WDTC1: variants seen among roughly 807,000 people sequenced by gnomAD.
The protein encoded by WDTC1 is WD and tetratricopeptide repeats protein 1.
WDTC1 carries 12 observed loss-of-function variants against 76.0 expected under a neutral mutation model. The observed-to-expected ratio is 0.16, with a 90% CI of 0.10 to 0.26. The LOEUF is 0.26. WDTC1 is among the 10% of genes least tolerant of loss of function. WDTC1 has a pLI of 1.00. For missense variants in WDTC1, 511 were observed against 908.8 expected, an observed-to-expected ratio of 0.56 and a Z score of 5.63; for synonymous variants, 326 against 350.8, an observed-to-expected ratio of 0.93 and a Z score of 0.79.
intron 3 of WDTC1, among the ~76,000 whole-genome samples, chr1:27,264,386 C>T (rs1320249499): frequency 6.6e-6 from 1 of 151,842 alleles, no homozygotes; most frequent in Non-Finnish European, 1.5e-5. Context: ...CCCAGGAGTT[C>T]AAGTCCAGCC....
Position 27,306,389 on chromosome 1 carries a change from C to A in WDTC1, c.*6C>A. ...TGCAGTGCCGGCCCAGCTAGACCCT[C>A]CAGCCCTGGTCCCCAGCCCCTGCTA... On this transcript the variant is annotated 3_prime_UTR_variant, in exon 16 of 16. Coordinates refer to ENST00000319394, the MANE Select transcript of WDTC1 (RefSeq NM_001276252.2). This position sits in a 1 kb window ranked among gnomAD's most constrained non-coding sequence, Gnocchi z 5.0. The A allele has an allele frequency of 6.2e-7, 1 of 1,609,706 alleles. No individual in the cohort carries two copies. Among genetic ancestry groups the A allele is most frequent in the Non-Finnish European group, 8.5e-7 (1 of 1,179,320 alleles).
chr1:27,258,654 C>G (rs926958803), intron 1 of WDTC1, among the ~76,000 whole-genome samples: 23 of 152,092 alleles, frequency 1.5e-4, no homozygotes, highest in Non-Finnish European at 1.9e-4. Context: ...ATGAGAACAT[C>G]TAATTTGGCA....
In WDTC1 at chr1:27,294,102, A is replaced by C; in HGVS notation, c.743A>C (p.Gln248Pro). ...RQKPLPDGAA[Q>P]YYVAGHLPVK... ...AAACCCCTTCCGGACGGTGCAGCCC[A>C]GTATTACGTAGCAGGTAGCGCTCAG... Residue 248 changes from glutamine (Q) to proline (P), a missense_variant, in exon 8 of 16, where the codon CAG becomes CCG. Gln to Pro is a moderately conservative substitution (Grantham distance 76). Coordinates refer to ENST00000319394, the MANE Select transcript of WDTC1 (RefSeq NM_001276252.2). 6.2e-7 allele frequency: 1 copy of C among 1,613,998 alleles called. No homozygotes were observed.
In WDTC1 at chr1:27,301,211, T is replaced by C. The variant is rs934453134; in HGVS notation, c.1233-15T>C. 6.2e-7 allele frequency: 1 copy of C among 1,612,156 alleles called. No homozygotes were observed. Among genetic ancestry groups the C allele is most frequent in the African/African-American group, 1.3e-5 (1 of 75,012 alleles). ...CGTGGCTCCACCTCCAAGCCGCTCT[T>C]CCCTGCCTTCCCAGGGATGGTGACC... is the stretch of plus-strand genomic sequence containing the variant. On this transcript the variant is annotated splice_polypyrimidine_tract_variant and intron_variant, in intron 12 of 15. Coordinates refer to ENST00000319394, the MANE Select transcript of WDTC1 (RefSeq NM_001276252.2). The surrounding 1 kb of genome is among the most constrained non-coding windows in gnomAD (Gnocchi z 5.8).
intron 7 of WDTC1, among the ~76,000 whole-genome samples, chr1:27,293,749 C>T (rs1271696772): frequency 1.3e-5 from 2 of 151,984 alleles, no homozygotes; most frequent in Non-Finnish European, 2.9e-5. Flanking sequence ...TGGCTTGGAG[C>T]GGGTCTTGAA....
chr1:27,282,255 T>C lies in WDTC1; in HGVS notation c.149T>C (p.Val50Ala). 1 of 1,613,776 alleles carries C rather than the reference T, an allele frequency of 6.2e-7. No individual in the cohort carries two copies. Among genetic ancestry groups the C allele is most frequent in the Non-Finnish European group, 8.5e-7 (1 of 1,179,794 alleles). ...EAELQGHSGC[V>A]NCLEWNEKGD... ...CTCCCCCAGGGTCACTCAGGATGTGTCAACTGTCTGGAGTGGAATGAGAAA... is the reference window on the plus strand; with the variant it reads ...CTCCCCCAGGGTCACTCAGGATGTGCCAACTGTCTGGAGTGGAATGAGAAA... The change falls in exon 4 of 16, where the codon GTC becomes GCC. Residue 50 changes from valine to alanine, a missense_variant. Coordinates refer to ENST00000319394, the MANE Select transcript of WDTC1 (RefSeq NM_001276252.2).
chr1:27,283,550 C>T (rs556934376), intron 5 of WDTC1, 101 bp downstream of exon 5: 4 of 958,158 alleles, frequency 4.2e-6, no homozygotes, highest in Admixed American at 2.3e-5. Context: ...TCCCATATAC[C>T]GTCTAGGGTC....
intron 12 of WDTC1, among the ~76,000 whole-genome samples, chr1:27,299,766 C>T (rs187485306): frequency 3.9e-5 from 6 of 152,072 alleles, no homozygotes; most frequent in South Asian, 4.2e-4. Flanking sequence ...CGAGGGCTGT[C>T]CTTTCAGGGA....
At chr1:27,272,118 C>T (rs539323927) in intron 3 of WDTC1, among the ~76,000 whole-genome samples, 29 of 151,580 alleles carry the variant, frequency 1.9e-4, no homozygotes, top group African/African-American at 7.0e-4. Context: ...AGGTGGTGCA[C>T]GCCTGTAATC....
chr1:27,243,358 G>A lies in WDTC1; in HGVS notation c.-100+8407G>A, dbSNP rs150701719. The stretch of plus-strand genomic sequence containing the variant: ...CTCCCCAGCAGCTGGGATTACAGGC[G>A]CCTGCCACCATGTCCGGCTAATTTT... On this transcript the variant is annotated intron_variant, in intron 1 of 15. Transcript: ENST00000319394. Among the ~76,000 whole-genome samples, 690 of 151,900 alleles carry A rather than the reference G, an allele frequency of 4.5e-3. 7 individuals carry two copies. The highest frequency in any genetic ancestry group is 0.016 in the African/African-American group (658 of 41,434).
chr1:27,258,798 C>CAGGTGAAAAACGTGATTTCAGT (rs2012375880), intron 1 of WDTC1, among the ~76,000 whole-genome samples: 1 of 152,144 alleles, frequency 6.6e-6, no homozygotes, highest in South Asian at 2.1e-4. Flanking sequence ...GCTCACAGAT[C>CAGGTGAAAAACGTGATTTCAGT]AGGTGAAAAA....
At chr1:27,295,478 A>C (rs1010154712) in intron 9 of WDTC1, among the ~76,000 whole-genome samples, 5 of 144,754 alleles carry the variant, frequency 3.5e-5, no homozygotes, top group Non-Finnish European at 7.5e-5. Flanking sequence ...TTTGAGTTGG[A>C]GTTTCGCTCT....
chr1:27,236,624 GTTTTT>G (rs1048753452), intron 1 of WDTC1, among the ~76,000 whole-genome samples: 3 of 151,862 alleles, frequency 2.0e-5, no homozygotes, highest in Non-Finnish European at 4.4e-5. Flanking sequence ...ACAATTGACA[GTTTTT>G]TTTAGCCGGG....
intron 6 of WDTC1, among the ~76,000 whole-genome samples, chr1:27,288,103 T>G (rs748914614): frequency 2.6e-5 from 4 of 152,130 alleles, no homozygotes; most frequent in African/African-American, 4.8e-5. Context: ...CCACCTCAGG[T>G]GTCCAGGGTC....
Position 27,264,020 on chromosome 1 carries a change from G to A in WDTC1, c.132+785G>A, listed in dbSNP as rs150086771. Among the ~76,000 whole-genome samples the A allele has an allele frequency of 1.8e-3, 277 of 151,954 alleles. 2 individuals are homozygous for A. Among genetic ancestry groups the A allele is most frequent in the African/African-American group, 4.9e-3 (203 of 41,460 alleles). ...AGGTGTTTAAAAAAAAAAAAAGACC[G>A]GCTCATGCCTGTATTCGCAGCACTT... On this transcript the variant is annotated intron_variant, in intron 3 of 15. Coordinates refer to ENST00000319394, the MANE Select transcript of WDTC1 (RefSeq NM_001276252.2).
chr1:27,303,896 G>A lies in WDTC1; in HGVS notation c.1643+101G>A. The A allele has an allele frequency of 1.3e-6, 2 of 1,501,960 alleles. No individual in the cohort carries two copies. Among genetic ancestry groups the A allele is most frequent in the Non-Finnish European group, 1.8e-6 (2 of 1,098,944 alleles). The allele number at this position is 1,501,960 out of a possible 1,614,324, so 93.0% of individuals were successfully genotyped here. On this transcript the variant is annotated intron_variant, in intron 14 of 15. Transcript: ENST00000319394. The surrounding 1 kb of genome is among the most constrained non-coding windows in gnomAD (Gnocchi z 4.8). ...TTTCAGAGAAGAATCTCAAATCCCT[G>A]CTCTGCCTCTGTACCCTTGGGCAAA...
In WDTC1 at chr1:27,276,385, A is replaced by G. The variant is rs539141271; in HGVS notation, c.133-5854A>G. Among the ~76,000 whole-genome samples, 21 of 152,178 alleles carry G rather than the reference A, an allele frequency of 1.4e-4. No homozygotes were observed. In the South Asian group the frequency reaches 4.1e-3, roughly 30 times the overall value. ...CCAATTTGTCTGCATCCTTGCCAAC[A>G]CTTCTTATTATCAATATTTTTTATT... On this transcript the variant is annotated intron_variant, in intron 3 of 15. Transcript: ENST00000319394.
intron 3 of WDTC1, among the ~76,000 whole-genome samples, chr1:27,267,362 C>T (rs574018491): frequency 6.6e-6 from 1 of 152,074 alleles, no homozygotes; most frequent in East Asian, 1.9e-4. Context: ...TCTTGTGCCT[C>T]AGCCTTCTGA....
At chr1:27,283,988 A>G (rs530085637) in intron 5 of WDTC1, among the ~76,000 whole-genome samples, 1 of 152,264 alleles carries the variant, frequency 6.6e-6, no homozygotes, top group South Asian at 2.1e-4. Context: ...GGAAATGAAT[A>G]TTTTGATTTG....
Sources: gnomAD v4.1 joint callset for allele counts (sites outside exome capture counted in the v4.1 genomes callset) on GRCh38, gnomAD v4.1.1 for gene constraint, Gnocchi (gnomAD v3.1) non-coding constraint, MANE v1.5 for transcripts, NCBI Gene and HGNC (gene_info 2026-07-23, HGNC 2026-07-21) for gene names.